The following RBFOX2 variants were observed in gnomAD, a reference collection of about 807,000 sequenced individuals.
The protein encoded by RBFOX2 is RNA binding protein fox-1 homolog 2.
In RBFOX2, 10 loss-of-function variants were observed where a neutral mutation model predicts 49.1. That is an observed-to-expected ratio of 0.20 (90% CI 0.13 to 0.35). RBFOX2 has a LOEUF of 0.35. Among genes scored for constraint, RBFOX2 ranks in the 10% least tolerant of loss-of-function variants. RBFOX2 has a pLI of 1.00. For missense variants in RBFOX2, 323 were observed against 486.9 expected, an observed-to-expected ratio of 0.66 and a Z score of 3.17; for synonymous variants, 183 against 187.4, an observed-to-expected ratio of 0.98 and a Z score of 0.19.
chr22:35,768,669 T>C (rs539857770), intron 4 of RBFOX2, among the ~76,000 whole-genome samples: 46 of 152,296 alleles, frequency 3.0e-4, no homozygotes, highest in African/African-American at 1.0e-3. Context: ...ATCTGAAGAT[T>C]TTTTAATGCC....
intron 1 of RBFOX2, 94 bp downstream of exon 1, chr22:36,028,146 C>T: frequency 2.3e-6 from 3 of 1,330,076 alleles, no homozygotes; most frequent in Non-Finnish European, 2.9e-6. Flanking sequence ...ACCCAGGACT[C>T]CCGGAGGCCC....
intron 1 of RBFOX2, among the ~76,000 whole-genome samples, chr22:35,874,523 C>T (rs1405107201): frequency 6.6e-6 from 1 of 151,856 alleles, no homozygotes; most frequent in African/African-American, 2.4e-5. Context: ...GGAAATTTGA[C>T]ATAACAATCT....
intron 1 of RBFOX2, among the ~76,000 whole-genome samples, chr22:35,935,517 T>A (rs1347595332): frequency 6.6e-6 from 1 of 152,214 alleles, no homozygotes; most frequent in Non-Finnish European, 1.5e-5. Context: ...CTATTGGGAC[T>A]GTATATAACA....
At position 35,745,997 on chromosome 22, in the gene RBFOX2, T is replaced by C. The variant is rs1475488750; in HGVS notation, c.977-2A>G. 1 of 1,611,748 alleles carries C rather than the reference T, an allele frequency of 6.2e-7. No homozygotes were observed. The highest frequency in any genetic ancestry group is 8.5e-7 in the Non-Finnish European group (1 of 1,178,108). ...TCGGCTGTGTACACCCTGCCATAAC[T>C]GGAAAGAAGAAACACAATCAGACAG... On this transcript the variant is annotated splice_acceptor_variant, in intron 10 of 11. Coordinates refer to ENST00000405409, the Ensembl canonical transcript of RBFOX2. LOFTEE classifies it high-confidence loss of function.
intron 1 of RBFOX2, among the ~76,000 whole-genome samples, chr22:35,948,030 C>T (rs188426804): frequency 1.4e-4 from 22 of 152,334 alleles, no homozygotes; most frequent in Admixed American, 1.4e-3. Context: ...AGGCTGCATT[C>T]ACAAGTGCCC....
chr22:36,017,538 T>A (rs1433271233), intron 1 of RBFOX2, among the ~76,000 whole-genome samples: 3 of 151,654 alleles, frequency 2.0e-5, no homozygotes, highest in South Asian at 2.1e-4. Context: ...TCAAAAAAAA[T>A]AAAAAATAAA....
chr22:35,985,557 T>C (rs2057670454), intron 1 of RBFOX2, among the ~76,000 whole-genome samples: 1 of 152,172 alleles, frequency 6.6e-6, no homozygotes, highest in African/African-American at 2.4e-5. Context: ...TCCCAATGTT[T>C]AAATGTTAAA....
chr22:35,832,132 G>A (rs1382193598), intron 1 of RBFOX2, among the ~76,000 whole-genome samples: 2 of 152,200 alleles, frequency 1.3e-5, no homozygotes, highest in African/African-American at 4.8e-5. Flanking sequence ...AGCACTTTGG[G>A]AGGTCGAGGC....
rs373359981 is a variant in RBFOX2, at chr22:35,922,833, G to A, written c.-34+16014C>T. Among the ~76,000 whole-genome samples the A allele has an allele frequency of 3.9e-5, 6 of 152,246 alleles. No homozygotes were observed. The East Asian group carries it at 5.8e-4, about 15-fold the overall frequency. ...AATCTAAGCCTGCTTCCCTGCTACC[G>A]TGCCAGAGTTCCTGAGTAGCTCTAA... On this transcript the variant is annotated intron_variant, in intron 1 of 13. Transcript: ENST00000359369.
intron 1 of RBFOX2, among the ~76,000 whole-genome samples, chr22:35,979,394 T>C (rs1603461401): frequency 6.6e-6 from 1 of 152,228 alleles, no homozygotes. Flanking sequence ...TGTACTAATA[T>C]TGATTTCCTG....
chr22:35,979,427 T>C (rs975673377), intron 1 of RBFOX2, among the ~76,000 whole-genome samples: 38 of 152,184 alleles, frequency 2.5e-4, no homozygotes, highest in Non-Finnish European at 4.4e-5. Context: ...CTGCCAGTTA[T>C]ATAGGAAAGT....
In RBFOX2 at chr22:36,013,646, C is replaced by CAGAG. The variant is rs200585039; in HGVS notation, c.186+14593_186+14594insCTCT. Among the ~76,000 whole-genome samples, 487 of 147,244 alleles carry CAGAG rather than the reference C, an allele frequency of 3.3e-3. 1 individual carries two copies. Among genetic ancestry groups the CAGAG allele is most frequent in the Middle Eastern group, 0.01 (3 of 294 alleles). ...ACACAAACACACACACACACACACA[C>CAGAG]ACAGAGAGAGAGAGAGAGAGAGAGA... On this transcript the variant is annotated intron_variant, in intron 1 of 13. Transcript: ENST00000438146.
intron 2 of RBFOX2, among the ~76,000 whole-genome samples, chr22:35,807,554 A>C (rs1409298921): frequency 6.6e-6 from 1 of 152,070 alleles, no homozygotes; most frequent in Non-Finnish European, 1.5e-5. Context: ...GAACGAAAAA[A>C]AAATAAAAAC....
In RBFOX2 at chr22:35,956,819, A is replaced by C. The variant is rs555054974; in HGVS notation, c.42+4744T>G. Among the ~76,000 whole-genome samples the C allele has an allele frequency of 4.6e-5, 7 of 152,328 alleles. No homozygotes were observed. In the South Asian group the frequency reaches 1.5e-3, roughly 32 times the overall value. ...ACTTAGTATGCAGCAGAAGTGCTTTATTTGTATTACCCATTTTGCCAAAGA... is the reference window on the plus strand; with the variant it reads ...ACTTAGTATGCAGCAGAAGTGCTTTCTTTGTATTACCCATTTTGCCAAAGA... On this transcript the variant is annotated intron_variant, in intron 1 of 5. Coordinates refer to the RBFOX2 transcript ENST00000408983.
chr22:35,923,078 G>A (rs750196256), intron 1 of RBFOX2, among the ~76,000 whole-genome samples: 3 of 152,156 alleles, frequency 2.0e-5, no homozygotes, highest in Non-Finnish European at 4.4e-5. Context: ...CACTCCCCTT[G>A]CATCCACAGA....
At chr22:35,937,574 AGTT>A (rs1390298592) in intron 1 of RBFOX2, among the ~76,000 whole-genome samples, 1 of 151,870 alleles carries the variant, frequency 6.6e-6, no homozygotes, top group South Asian at 2.1e-4. Flanking sequence ...GTTTTTTTGT[AGTT>A]GTTGTTTTTG....
chr22:36,021,623 A>G (rs191463366), intron 1 of RBFOX2, among the ~76,000 whole-genome samples: 27 of 152,170 alleles, frequency 1.8e-4, no homozygotes, highest in African/African-American at 6.5e-4. Context: ...TCCTCCACAC[A>G]CTTTCCCCTC....
At chr22:36,004,623 C>T (rs898904514) in intron 1 of RBFOX2, among the ~76,000 whole-genome samples, 1 of 152,060 alleles carries the variant, frequency 6.6e-6, no homozygotes, top group African/African-American at 2.4e-5. Context: ...CAGTGAAACC[C>T]CATCTCTACT....
At chr22:35,914,332 C>A (rs1369105588) in intron 1 of RBFOX2, among the ~76,000 whole-genome samples, 1 of 152,172 alleles carries the variant, frequency 6.6e-6, no homozygotes, top group Non-Finnish European at 1.5e-5. Flanking sequence ...ATGCTTTTCC[C>A]CTAAACCTCA....
Sources: allele counts gnomAD v4.1 joint callset (sites outside exome capture counted in the v4.1 genomes callset), GRCh38; gene constraint gnomAD v4.1.1; transcripts MANE v1.5; gene names NCBI Gene and HGNC (gene_info 2026-07-23, HGNC 2026-07-21).